The following CAMTA1 variants were observed in gnomAD, a reference collection of about 807,000 sequenced individuals.
CAMTA1 encodes calmodulin binding transcription activator 1, also known as calmodulin-binding transcription activator 1.
Under a neutral mutation model 170.9 loss-of-function variants are expected in CAMTA1, and 27 were observed. The ratio of observed to expected loss-of-function variants is 0.16; its 90% CI spans 0.12 to 0.22. The LOEUF (loss-of-function observed/expected upper bound fraction) is 0.22, where lower values mean the gene tolerates loss of function less well. CAMTA1 is among the 10% of genes least tolerant of loss of function. The probability of loss-of-function intolerance (pLI) is 1.00; values close to 1 mark genes in which losing one functional copy is unlikely to be tolerated. For synonymous variants in CAMTA1, 833 were observed against 891.5 expected (o/e 0.93, Z 1.17); for missense variants, 1,619 against 2,217.2 (o/e 0.73, Z 5.42).
rs374903153 is a variant in CAMTA1, at chr1:7,738,432, C to T, written c.4132C>T (p.Arg1378Cys). The T allele has an allele frequency of 6.2e-6, 10 of 1,613,928 alleles. No individual in the cohort carries two copies. Among genetic ancestry groups the T allele is most frequent in the African/African-American group, 1.3e-5 (1 of 74,898 alleles). ...GGTGAATACAGAGCTGGGGTCCTAC[C>T]GTGATAGTGCAGAAAATGAAGAATG... ...EVVNTELGSY[R>C]DSAENEECGQ... Residue 1378 changes from arginine to cysteine, a missense_variant, in exon 16 of 23, where the codon CGT becomes TGT. By Grantham distance (180) the Arg-to-Cys change is radical. Around this residue, in one of 8 missense-constraint regions of CAMTA1, gnomAD observed 370 missense variants for 429.4 expected, o/e 0.86. Transcript: ENST00000303635. The surrounding 1 kb of genome is among the most constrained non-coding windows in gnomAD (Gnocchi z 4.9).
Position 7,195,324 on chromosome 1 carries a change from A to G in CAMTA1, c.303-54167A>G, listed in dbSNP as rs1655318435. On this transcript the variant is annotated intron_variant, in intron 4 of 22. Coordinates refer to ENST00000303635, the MANE Select transcript of CAMTA1 (RefSeq NM_015215.4). This position sits in a 1 kb window ranked among gnomAD's most constrained non-coding sequence, Gnocchi z 4.1. ...AAGTGGAAATGACAAGTGCGACTTC[A>G]TGGCACAGATTTTCGGAGTCCAAGT... Among the ~76,000 whole-genome samples the G allele has an allele frequency of 6.6e-6, 1 of 152,182 alleles. No homozygotes were observed. Among genetic ancestry groups the G allele is most frequent in the Non-Finnish European group, 1.5e-5 (1 of 68,030 alleles).
chr1:7,590,358 G>A (rs1402860400), intron 6 of CAMTA1, among the ~76,000 whole-genome samples: 3 of 152,242 alleles, frequency 2.0e-5, no homozygotes, highest in African/African-American at 7.2e-5. Context: ...CACAGGGTCA[G>A]AGCAGGTGTG....
intron 4 of CAMTA1, among the ~76,000 whole-genome samples, chr1:7,222,985 G>T (rs1317330734): frequency 6.6e-6 from 1 of 152,262 alleles, no homozygotes; most frequent in Non-Finnish European, 1.5e-5. Context: ...CTCACCCAAT[G>T]CCAAGTCTTC....
intron 1 of CAMTA1, among the ~76,000 whole-genome samples, chr1:6,815,808 A>C (rs1483645680): frequency 1.3e-5 from 2 of 152,180 alleles, no homozygotes; most frequent in African/African-American, 4.8e-5. Context: ...TAGAGGCAGA[A>C]TCTCAGGTTC....
At chr1:7,270,451 C>G (rs964728573) in intron 5 of CAMTA1, among the ~76,000 whole-genome samples, 1 of 151,624 alleles carries the variant, frequency 6.6e-6, no homozygotes, top group Non-Finnish European at 1.5e-5. Flanking sequence ...CCCACCACCA[C>G]GCCTGGCTAA....
intron 6 of CAMTA1, among the ~76,000 whole-genome samples, chr1:7,615,879 A>G (rs1356751213): frequency 1.3e-5 from 2 of 152,162 alleles, no homozygotes; most frequent in Non-Finnish European, 2.9e-5. Context: ...CAGTTTCTCC[A>G]TTTGCTGAGA....
intron 5 of CAMTA1, among the ~76,000 whole-genome samples, chr1:7,328,885 T>G (rs919313066): frequency 4.6e-5 from 7 of 152,242 alleles, no homozygotes; most frequent in Non-Finnish European, 1.0e-4. Context: ...TTAAACAAAC[T>G]AATTTTATAT....
At chr1:7,346,727 C>G (rs917571121) in intron 5 of CAMTA1, among the ~76,000 whole-genome samples, 1 of 152,178 alleles carries the variant, frequency 6.6e-6, no homozygotes, top group Non-Finnish European at 1.5e-5. Flanking sequence ...TGGCAGGAGG[C>G]GGCCCTCTCA....
At position 7,561,578 on chromosome 1, in the gene CAMTA1, A is replaced by G. The variant is rs1331185352; in HGVS notation, c.511-78822A>G. ...GGCGCAGGGATGGGCTGGTTCAGGG[A>G]GGAGGGGAGACTGTGGGCGGCTTGC... On this transcript the variant is annotated intron_variant, in intron 6 of 22. Coordinates refer to ENST00000303635, the MANE Select transcript of CAMTA1 (RefSeq NM_015215.4). The surrounding 1 kb of genome is among the most constrained non-coding windows in gnomAD (Gnocchi z 5.3). 6.6e-6 allele frequency among the ~76,000 whole-genome samples: 1 copy of G among 151,836 alleles called. No individual in the cohort carries two copies. The highest frequency in any genetic ancestry group is 1.5e-5 in the Non-Finnish European group (1 of 67,948).
At position 7,168,272 on chromosome 1, in the gene CAMTA1, C is replaced by T. The variant is rs149178435; in HGVS notation, c.302+76901C>T. Among the ~76,000 whole-genome samples the T allele has an allele frequency of 1.9e-3, 294 of 152,326 alleles. 7 individuals are homozygous for T. In the South Asian group the frequency reaches 0.042, roughly 22 times the overall value. On this transcript the variant is annotated intron_variant, in intron 4 of 22. Transcript: ENST00000303635. ...TTGAATTCTATGTAGATAATTCACA[C>T]TCAATGAATATTGAGAGTTCTTTCT...
In CAMTA1 at chr1:7,622,242, G is replaced by A. The variant is rs565102370; in HGVS notation, c.511-18158G>A. Among the ~76,000 whole-genome samples the A allele has an allele frequency of 3.3e-5, 5 of 152,302 alleles. No homozygotes were observed. The East Asian group carries it at 9.7e-4, about 29-fold the overall frequency. ...TGGCTTTTGATATCCTCAGGTAGAT[G>A]GGAGGATCCCCATTTTACCTGGGAG... On this transcript the variant is annotated intron_variant, in intron 6 of 22. Coordinates refer to ENST00000303635, the MANE Select transcript of CAMTA1 (RefSeq NM_015215.4).
At chr1:7,661,599 C>T (rs1042743716) in intron 7 of CAMTA1, 127 bp from the exon 8 acceptor site, 3 of 1,103,174 alleles carry the variant, frequency 2.7e-6, no homozygotes. Flanking sequence ...TCAATTCGCC[C>T]CAGGAGCCAG....
intron 7 of CAMTA1, among the ~76,000 whole-genome samples, chr1:7,640,850 G>A (rs2095755001): frequency 6.6e-6 from 1 of 152,172 alleles, no homozygotes; most frequent in South Asian, 2.1e-4. Context: ...CCAGGACCGG[G>A]TCTCCGGGGC....
Position 7,396,800 on chromosome 1 carries a change from T to C in CAMTA1, c.439-71030T>C, listed in dbSNP as rs75305314. On this transcript the variant is annotated intron_variant, in intron 5 of 22. Coordinates refer to ENST00000303635, the MANE Select transcript of CAMTA1 (RefSeq NM_015215.4). ...ATGTTAATGTGATGTATCATGCTTA[T>C]TGACTTGCATATGTTGAACCATCCT... is the stretch of plus-strand genomic sequence containing the variant. 7.2e-3 allele frequency among the ~76,000 whole-genome samples: 1,099 copies of C among 152,310 alleles called. 8 individuals are homozygous for C. Among genetic ancestry groups the C allele is most frequent in the East Asian group, 0.027 (139 of 5,188 alleles).
intron 3 of CAMTA1, among the ~76,000 whole-genome samples, chr1:7,079,983 T>G (rs572153891): frequency 6.6e-6 from 1 of 152,320 alleles, no homozygotes; most frequent in Admixed American, 6.5e-5. Context: ...TTTTACATCT[T>G]GAATATGGTG....
At chr1:7,605,376 G>A (rs1052671979) in intron 6 of CAMTA1, among the ~76,000 whole-genome samples, 10 of 152,196 alleles carry the variant, frequency 6.6e-5, no homozygotes, top group African/African-American at 1.2e-4. Context: ...CTCAAGCCTC[G>A]GCAATGGCAG....
intron 6 of CAMTA1, among the ~76,000 whole-genome samples, chr1:7,582,812 C>A (rs1320405769): frequency 1.3e-5 from 2 of 151,796 alleles, no homozygotes; most frequent in Non-Finnish European, 2.9e-5. Flanking sequence ...GCTGTCCAGG[C>A]AGCTGTGCAC....
At chr1:7,387,395 T>C (rs1182342388) in intron 5 of CAMTA1, among the ~76,000 whole-genome samples, 1 of 152,070 alleles carries the variant, frequency 6.6e-6, no homozygotes, top group Non-Finnish European at 1.5e-5. Flanking sequence ...CCAAATCCAA[T>C]CCCTTATTAA....
intron 3 of CAMTA1, among the ~76,000 whole-genome samples, chr1:6,864,383 G>T (rs147085346): frequency 1.8e-4 from 27 of 152,244 alleles, no homozygotes; most frequent in African/African-American, 6.3e-4. Context: ...CTCCAGCCCA[G>T]TCTCCACCCA....
Sources: allele counts gnomAD v4.1 joint callset (sites outside exome capture counted in the v4.1 genomes callset), GRCh38; gene constraint gnomAD v4.1.1; regional missense constraint gnomAD v4.1.1; non-coding constraint Gnocchi (gnomAD v3.1); transcripts MANE v1.5; gene names NCBI Gene and HGNC (gene_info 2026-07-23, HGNC 2026-07-21).